BICD1: variants seen among roughly 807,000 people sequenced by gnomAD.
BICD1 encodes the protein BICD cargo adaptor 1, also known as protein bicaudal D homolog 1.
BICD1 carries 35 observed loss-of-function variants against 92.5 expected under a neutral mutation model. That is an observed-to-expected ratio of 0.38 (90% CI 0.29 to 0.50). The LOEUF is 0.50. BICD1 is among the 20% of genes least tolerant of loss of function. BICD1 has a pLI of 0.93. For synonymous variants in BICD1, 429 were observed against 465.1 expected (o/e 0.92, Z 1.00); for missense variants, 950 against 1,189.8 (o/e 0.80, Z 2.97).
intron 2 of BICD1, among the ~76,000 whole-genome samples, chr12:32,268,528 G>T (rs776553125): frequency 6.6e-6 from 1 of 152,184 alleles, no homozygotes; most frequent in Non-Finnish European, 1.5e-5. Flanking sequence ...GGGCACGGTC[G>T]CTCATGCCTG....
At chr12:32,357,054 C>T (rs1420684516) in intron 8 of BICD1, among the ~76,000 whole-genome samples, 1 of 150,022 alleles carries the variant, frequency 6.7e-6, no homozygotes, top group Non-Finnish European at 1.5e-5. Flanking sequence ...TCTTGTTGCC[C>T]AAGCTGGAGT....
intron 1 of BICD1, among the ~76,000 whole-genome samples, chr12:32,132,232 A>G (rs772862273): frequency 2.2e-4 from 33 of 152,038 alleles, no homozygotes; most frequent in Non-Finnish European, 2.1e-4. Flanking sequence ...CTTGACCAAT[A>G]TGGTGAAAAC....
chr12:32,234,801 C>T (rs927443683), intron 2 of BICD1, among the ~76,000 whole-genome samples: 1 of 151,260 alleles, frequency 6.6e-6, no homozygotes, highest in African/African-American at 2.4e-5. Flanking sequence ...CCTCCTGCCT[C>T]AGCTTCCTGA....
rs139221082 is a variant in BICD1, at chr12:32,304,778, G to T, written c.580-919G>T. ...CACACATATAATCCTAGCACTTTGG[G>T]AGGCCAAGGCCAGAGGATTGCTTGA... On this transcript the variant is annotated intron_variant, in intron 3 of 9. Coordinates refer to ENST00000652176, the MANE Select transcript of BICD1 (RefSeq NM_001714.4). Among the ~76,000 whole-genome samples the T allele has an allele frequency of 3.4e-3, 515 of 152,312 alleles. 5 individuals are homozygous for T. The highest frequency in any genetic ancestry group is 8.7e-3 in the South Asian group (42 of 4,816).
chr12:32,357,711 C>T (rs186462543), intron 8 of BICD1, among the ~76,000 whole-genome samples: 3 of 152,174 alleles, frequency 2.0e-5, no homozygotes, highest in Non-Finnish European at 2.9e-5. Context: ...TCACTGTCCT[C>T]GCATCTCTGT....
intron 1 of BICD1, among the ~76,000 whole-genome samples, chr12:32,193,196 T>A (rs763038764): frequency 6.8e-6 from 1 of 147,100 alleles, no homozygotes; most frequent in Non-Finnish European, 1.5e-5. Flanking sequence ...TTTAAGAAAT[T>A]GCCACAGCCA....
chr12:32,218,287 T>C (rs1370521518), intron 2 of BICD1, among the ~76,000 whole-genome samples: 1 of 152,116 alleles, frequency 6.6e-6, no homozygotes, highest in East Asian at 1.9e-4. Context: ...GAAAAAAAAT[T>C]TGAGGGGCCT....
At position 32,249,262 on chromosome 12, in the gene BICD1, T is replaced by C. The variant is rs964493947; in HGVS notation, c.426+32803T>C. On this transcript the variant is annotated intron_variant, in intron 2 of 9. Coordinates refer to ENST00000652176, the MANE Select transcript of BICD1 (RefSeq NM_001714.4). ...GGTGCCCTAGGGAGCAGATGTGGGA[T>C]GGAAAAGTGAGGCTGGGCCTTAAAT... Among the ~76,000 whole-genome samples, 7 of 152,288 alleles carry C rather than the reference T, an allele frequency of 4.6e-5. No individual in the cohort carries two copies. In the South Asian group the frequency reaches 1.5e-3, roughly 32 times the overall value.
At chr12:32,176,272 T>C (rs1251310104) in intron 1 of BICD1, among the ~76,000 whole-genome samples, 2 of 152,234 alleles carry the variant, frequency 1.3e-5, no homozygotes, top group African/African-American at 2.4e-5. Context: ...GTTCATTTTA[T>C]GTTTTTTGAG....
At chr12:32,257,292 G>A (rs1264824420) in intron 2 of BICD1, among the ~76,000 whole-genome samples, 3 of 151,144 alleles carry the variant, frequency 2.0e-5, no homozygotes, top group African/African-American at 4.9e-5. Context: ...TTTCAAAAAT[G>A]TGGAGAAAAG....
intron 8 of BICD1, among the ~76,000 whole-genome samples, chr12:32,351,303 T>C (rs931740140): frequency 3.3e-5 from 5 of 150,828 alleles, no homozygotes; most frequent in Non-Finnish European, 7.4e-5. Flanking sequence ...CTGGCCAACA[T>C]GGTGAAACCC....
At chr12:32,238,944 CAAAAAAAA>C (rs111403291) in intron 2 of BICD1, among the ~76,000 whole-genome samples, 1 of 70,572 alleles carries the variant, frequency 1.4e-5, no homozygotes, top group African/African-American at 4.3e-5. Context: ...AACTCTGTCT[CAAAAAAAA>C]AAAAAAAAAA....
chr12:32,114,449 G>A (rs540412002), intron 1 of BICD1, among the ~76,000 whole-genome samples: 4 of 152,018 alleles, frequency 2.6e-5, no homozygotes, highest in South Asian at 2.1e-4. Context: ...TGGTGTGATC[G>A]TGGCTTACTG....
At chr12:32,172,998 TC>T (rs1943989413) in intron 1 of BICD1, among the ~76,000 whole-genome samples, 1 of 151,836 alleles carries the variant, frequency 6.6e-6, no homozygotes, top group African/African-American at 2.4e-5. Flanking sequence ...CCCGCTCAGC[TC>T]CCAGCTGACT....
At chr12:32,126,890 T>C (rs905569138) in intron 1 of BICD1, among the ~76,000 whole-genome samples, 3 of 152,244 alleles carry the variant, frequency 2.0e-5, no homozygotes, top group African/African-American at 7.2e-5. Context: ...GTTTGCATTT[T>C]TGTGGCTGCT....
In BICD1 at chr12:32,106,973, G is replaced by T. The variant is rs2121096508; in HGVS notation, c.-359G>T. On this transcript the variant is annotated 5_prime_UTR_variant, in exon 1 of 10. Coordinates refer to ENST00000652176, the MANE Select transcript of BICD1 (RefSeq NM_001714.4). ...GCGGCCCGGGAGACATGGCGGACGG[G>T]CGTCTCTGAATAAGCAGAATCCGGA... 1 of 244,182 alleles carries T rather than the reference G, an allele frequency of 4.1e-6. No individual in the cohort carries two copies. Among genetic ancestry groups the T allele is most frequent in the South Asian group, 5.9e-5 (1 of 16,962 alleles). 15.1% of individuals were successfully genotyped at this position (244,182 alleles called of 1,614,324 possible).
At chr12:32,195,836 AAGAC>A (rs1373929358) in intron 1 of BICD1, among the ~76,000 whole-genome samples, 2 of 152,186 alleles carry the variant, frequency 1.3e-5, no homozygotes, top group Non-Finnish European at 2.9e-5. Context: ...ACAAAATTAA[AAGAC>A]AGCCTAAAGA....
chr12:32,209,602 A>G (rs1385782254), intron 1 of BICD1, among the ~76,000 whole-genome samples: 1 of 152,234 alleles, frequency 6.6e-6, no homozygotes, highest in Non-Finnish European at 1.5e-5. Flanking sequence ...TGGAGCACTC[A>G]GATCTTAAAA....
intron 1 of BICD1, among the ~76,000 whole-genome samples, chr12:32,130,529 AGT>A (rs1942505312): frequency 6.6e-6 from 1 of 152,194 alleles, no homozygotes; most frequent in Admixed American, 6.5e-5. Flanking sequence ...AGTGTCGGAA[AGT>A]GTGTAGAGGT....
Sources: allele counts gnomAD v4.1 joint callset (sites outside exome capture counted in the v4.1 genomes callset), GRCh38; gene constraint gnomAD v4.1.1; transcripts MANE v1.5; gene names NCBI Gene and HGNC (gene_info 2026-07-23, HGNC 2026-07-21).